The following CACNG8 variants were observed in gnomAD, a reference collection of about 807,000 sequenced individuals.
The protein encoded by CACNG8 is calcium voltage-gated channel auxiliary subunit gamma 8.
A neutral mutation model predicts 26.9 loss-of-function variants in CACNG8; 5 were observed. That is an observed-to-expected ratio of 0.19 (90% CI 0.10 to 0.39). CACNG8 has a LOEUF of 0.39. Among genes scored for constraint, CACNG8 ranks in the 10% least tolerant of loss-of-function variants. CACNG8 has a pLI of 1.00. For missense variants in CACNG8, 473 were observed against 609.4 expected (o/e 0.78, Z 2.36); for synonymous variants, 321 against 296.7 (o/e 1.08, Z -0.84).
chr19:53,986,704 C>G lies in CACNG8; in HGVS notation c.*3855C>G, dbSNP rs1345985925. 2 of 152,414 alleles carry G rather than the reference C, an allele frequency of 1.3e-5. No individual in the cohort carries two copies. The highest frequency in any genetic ancestry group is 4.8e-5 in the African/African-American group (2 of 41,454). 9.4% of individuals were successfully genotyped at this position (152,414 alleles called of 1,614,324 possible). A position where few individuals can be genotyped will look rare whatever the true frequency, so the allele number is the denominator to read the frequency against. The stretch of plus-strand genomic sequence containing the variant: ...AGTGAGCTGAGATCGCGCCACTGCA[C>G]TCCAGCCTGGGCGACAGTGAGTGGT... On this transcript the variant is annotated 3_prime_UTR_variant, in exon 4 of 4. Coordinates refer to ENST00000270458, the MANE Select transcript of CACNG8 (RefSeq NM_031895.6).
At chr19:53,974,980 T>G (rs961903155) in intron 1 of CACNG8, among the ~76,000 whole-genome samples, 3 of 146,242 alleles carry the variant, frequency 2.1e-5, no homozygotes, top group African/African-American at 7.6e-5. Context: ...GATGGAATCT[T>G]GCTCTGTCAC....
intron 1 of CACNG8, among the ~76,000 whole-genome samples, chr19:53,967,797 T>A (rs928578617): frequency 3.3e-5 from 5 of 152,150 alleles, no homozygotes; most frequent in Non-Finnish European, 7.3e-5. Flanking sequence ...ATCGCATCAC[T>A]GCACTCTAGC....
At chr19:53,968,355 AC>A (rs1251436268) in intron 1 of CACNG8, among the ~76,000 whole-genome samples, 1 of 151,858 alleles carries the variant, frequency 6.6e-6, no homozygotes, top group Non-Finnish European at 1.5e-5. Flanking sequence ...AGTCTGGGCG[AC>A]AGGGCAAGAC....
intron 1 of CACNG8, among the ~76,000 whole-genome samples, chr19:53,972,123 T>G (rs2069306031): frequency 6.6e-6 from 1 of 151,872 alleles, no homozygotes; most frequent in Non-Finnish European, 1.5e-5. Flanking sequence ...GCCTCCTGAG[T>G]AGCTGGGATT....
Position 53,985,326 on chromosome 19 carries a change from A to ATCATATGGGGCTG in CACNG8, c.*2477_*2478insTCATATGGGGCTG, listed in dbSNP as rs56350202. On this transcript the variant is annotated 3_prime_UTR_variant, in exon 4 of 4. Transcript: ENST00000270458. ...AGGGGCTCTGCGTGCCCTTCTCTTG[A>ATCATATGGGGCTG]CGGAAGGGTACAGATCAGAGCTGGG... The ATCATATGGGGCTG allele has an allele frequency of 6.6e-6, 1 of 151,700 alleles. No individual in the cohort carries two copies. Among genetic ancestry groups the ATCATATGGGGCTG allele is most frequent in the African/African-American group, 2.4e-5 (1 of 41,286 alleles). The allele number at this position is 151,700 out of a possible 1,614,324, so 9.4% of individuals were successfully genotyped here.
Position 53,978,014 on chromosome 19 carries a change from AG to A in CACNG8, c.284-130del, listed in dbSNP as rs2069340114. The A allele has an allele frequency of 4.8e-6, 3 of 623,864 alleles. No individual in the cohort carries two copies. In the African/African-American group the frequency reaches 5.5e-5, roughly 11 times the overall value. 38.6% of individuals were successfully genotyped at this position (623,864 alleles called of 1,614,324 possible). On this transcript the variant is annotated intron_variant, in intron 1 of 3. Transcript: ENST00000270458. ...ATATCACGAGTCGGGCTCAGGAGCC[AG>A]GACTTGCGGTCTCCCAAGCAGCCCA...
At chr19:53,972,361 C>CT (rs577196456) in intron 1 of CACNG8, among the ~76,000 whole-genome samples, 40,508 of 106,242 alleles carry the variant, frequency 0.38, 8,271 homozygotes, top group East Asian at 0.55. Context: ...TTCTTCTTTT[C>CT]TTTTTTTTTT....
At chr19:53,965,969 C>T (rs75745071) in intron 1 of CACNG8, among the ~76,000 whole-genome samples, 9,011 of 152,064 alleles carry the variant, frequency 0.059, 289 homozygotes, top group African/African-American at 0.066. Context: ...TTGATCAAGC[C>T]AGTGTGAGGT....
Position 53,985,727 on chromosome 19 carries a change from A to T in CACNG8, c.*2878A>T, listed in dbSNP as rs953239216. 1 of 151,902 alleles carries T rather than the reference A, an allele frequency of 6.6e-6. No homozygotes were observed. The highest frequency in any genetic ancestry group is 1.5e-5 in the Non-Finnish European group (1 of 68,018). 9.4% of individuals were successfully genotyped at this position (151,902 alleles called of 1,614,324 possible). On this transcript the variant is annotated 3_prime_UTR_variant, in exon 4 of 4. Coordinates refer to ENST00000270458, the MANE Select transcript of CACNG8 (RefSeq NM_031895.6). ...TGCACGCCTGTAGTCCCGGCTACTC[A>T]GGAGGCTGAGGTGAAAGGATCTCGC...
Position 53,965,540 on chromosome 19 carries a change from G to T in CACNG8, c.283+2115G>T, listed in dbSNP as rs1464128529. ...CATGGGAGCCCTAGGACAGCACGTG[G>T]CATCTAGTAGGGATGTCATTCATTC... On this transcript the variant is annotated intron_variant, in intron 1 of 3. Coordinates refer to ENST00000270458, the MANE Select transcript of CACNG8 (RefSeq NM_031895.6). Among the ~76,000 whole-genome samples the T allele has an allele frequency of 2.0e-5, 3 of 152,060 alleles. No individual in the cohort carries two copies. In the East Asian group the frequency reaches 5.8e-4, roughly 30 times the overall value.
rs918568682 is a variant in CACNG8 at position 53,982,884 on chromosome 19, G to T, written c.*35G>T. On this transcript the variant is annotated 3_prime_UTR_variant, in exon 4 of 4. Coordinates refer to ENST00000270458, the MANE Select transcript of CACNG8 (RefSeq NM_031895.6). The surrounding 1 kb of genome is among the most constrained non-coding windows in gnomAD (Gnocchi z 8.4). ...GGGGGAGCCGAGGGGCGTGTCCGGGGCGCGTGCGCGGGCGCGCGTGCATCG... is the reference window on the plus strand; with the variant it reads ...GGGGGAGCCGAGGGGCGTGTCCGGGTCGCGTGCGCGGGCGCGCGTGCATCG... 2.0e-5 allele frequency: 24 copies of T among 1,228,696 alleles called. No homozygotes were observed. Among genetic ancestry groups the T allele is most frequent in the Non-Finnish European group, 2.4e-5 (24 of 983,654 alleles). 76.1% of individuals were successfully genotyped at this position (1,228,696 alleles called of 1,614,324 possible). A position where few individuals can be genotyped will look rare whatever the true frequency, so the allele number is the denominator to read the frequency against.
chr19:53,966,071 T>G (rs1294390934), intron 1 of CACNG8, among the ~76,000 whole-genome samples: 1 of 150,818 alleles, frequency 6.6e-6, no homozygotes, highest in Non-Finnish European at 1.5e-5. Flanking sequence ...CAGGTTCTGT[T>G]TTTTAAAAAT....
chr19:53,982,336 C>T lies in CACNG8; in HGVS notation c.765C>T (p.Ser255=). 2.6e-6 allele frequency: 4 copies of T among 1,558,284 alleles called. No individual in the cohort carries two copies. The highest frequency in any genetic ancestry group is 3.5e-6 in the Non-Finnish European group (4 of 1,155,906). Residue 255 remains serine (S), a synonymous_variant, in exon 4 of 4, where the codon AGC becomes AGT. Coordinates refer to ENST00000270458, the MANE Select transcript of CACNG8 (RefSeq NM_031895.6). The surrounding 1 kb of genome is among the most constrained non-coding windows in gnomAD (Gnocchi z 8.4). ...GGGGCGCGGGCGGCAGTGGCGGGAG[C>T]GGCCCCTCGGCCATCCTCCGTCTGC...
Position 53,972,841 on chromosome 19 carries a change from AC to A in CACNG8, c.284-5300del, listed in dbSNP as rs576056068. 3.3e-5 allele frequency among the ~76,000 whole-genome samples: 5 copies of A among 151,774 alleles called. 1 individual carries two copies. The South Asian group carries it at 1.0e-3, about 32-fold the overall frequency. Reference sequence around the variant, plus strand: ...TGGATTCCAGAGCCCACGATCAATAACCCCCACAGCCACCAGACTCTACTGT... The same window carrying A: ...TGGATTCCAGAGCCCACGATCAATAACCCCACAGCCACCAGACTCTACTGT... On this transcript the variant is annotated intron_variant, in intron 1 of 3. Transcript: ENST00000270458.
rs761665827 is a variant in CACNG8 at position 53,982,361 on chromosome 19, C to T, written c.790C>T (p.Pro264Ser). ...CGGCCCCTCGGCCATCCTCCGTCTG[C>T]CCAGTTACCGCTTCCGCTACCGCCG... Residue 264 changes from proline (P) to serine (S), a missense_variant, in exon 4 of 4, where the codon CCC becomes TCC. Transcript: ENST00000270458. The surrounding 1 kb of genome is among the most constrained non-coding windows in gnomAD (Gnocchi z 8.4). The T allele has an allele frequency of 2.6e-6, 4 of 1,540,176 alleles. No individual in the cohort carries two copies. The South Asian group carries it at 3.6e-5, about 14-fold the overall frequency.
intron 3 of CACNG8, among the ~76,000 whole-genome samples, chr19:53,980,278 C>T (rs998603969): frequency 1.3e-5 from 2 of 151,936 alleles, no homozygotes; most frequent in South Asian, 4.2e-4. Context: ...GCGCGTAAGA[C>T]GCCGGGCGCT....
At chr19:53,978,082 T>C (rs2069340614) in intron 1 of CACNG8, 64 bp from the exon 2 acceptor site, 4 of 1,099,530 alleles carry the variant, frequency 3.6e-6, no homozygotes, top group Admixed American at 3.9e-5. Context: ...CGGTTGTCAG[T>C]GGGGTTGCCC....
chr19:53,977,103 C>A (rs1472464894), intron 1 of CACNG8, among the ~76,000 whole-genome samples: 1 of 152,218 alleles, frequency 6.6e-6, no homozygotes, highest in Non-Finnish European at 1.5e-5. Flanking sequence ...CGAAGAAGAT[C>A]ATCTACCAAC....
At position 53,976,901 on chromosome 19, in the gene CACNG8, G is replaced by A. The variant is rs1173081525; in HGVS notation, c.284-1245G>A. On this transcript the variant is annotated intron_variant, in intron 1 of 3. Transcript: ENST00000270458. ...TTGGTCAGGCTGGTCTTGAACTCCC[G>A]ACCTCAAGTGATCCACCCGCCTTGG... Among the ~76,000 whole-genome samples the A allele has an allele frequency of 3.3e-5, 5 of 152,268 alleles. No individual in the cohort carries two copies. In the East Asian group the frequency reaches 5.8e-4, roughly 18 times the overall value.
Sources: allele counts gnomAD v4.1 joint callset (sites outside exome capture counted in the v4.1 genomes callset), GRCh38; gene constraint gnomAD v4.1.1; non-coding constraint Gnocchi (gnomAD v3.1); transcripts MANE v1.5; gene names NCBI Gene and HGNC (gene_info 2026-07-23, HGNC 2026-07-21).